Variants in TEX14 observed in about 807,000 individuals in gnomAD.
The protein encoded by TEX14 is testis expressed 14, intercellular bridge forming factor, also known as inactive serine/threonine-protein kinase TEX14.
Under a neutral mutation model 178.6 loss-of-function variants are expected in TEX14, and 168 were observed. The ratio of observed to expected loss-of-function variants is 0.94; its 90% CI spans 0.83 to 1.07. The LOEUF (loss-of-function observed/expected upper bound fraction) is 1.07. Ranked by LOEUF, TEX14 falls within the 50% of genes least tolerant of loss-of-function variation. The probability of loss-of-function intolerance (pLI) is 0.00; values close to 1 mark genes in which losing one functional copy is unlikely to be tolerated. For missense variants in TEX14, 1,730 were observed against 1,753.6 expected (o/e 0.99, Z 0.24); for synonymous variants, 626 against 634.1 (o/e 0.99, Z 0.19).
chr17:58,621,592 T>A, intron 5 of TEX14, 58 bp downstream of exon 5: 1 of 1,523,300 alleles, frequency 6.6e-7, no homozygotes, highest in Non-Finnish European at 8.9e-7. Context: ...GCTGCAGGGC[T>A]CCCACGAGGA....
At chr17:58,621,813 T>G in intron 4 of TEX14, 27 bp from the exon 5 acceptor site, 1 of 1,600,674 alleles carries the variant, frequency 6.2e-7, no homozygotes, top group East Asian at 2.2e-5. Flanking sequence ...AGATGCCCAG[T>G]GCGGGCGCAC....
rs560506430 is a variant in TEX14 at position 58,634,640 on chromosome 17, T to A, written c.137-4086A>T. On this transcript the variant is annotated intron_variant, in intron 2 of 31. Transcript: ENST00000349033. The stretch of plus-strand genomic sequence containing the variant: ...CTTATCTGCCCAACACAAGCCAGCC[T>A]AAGAGTAGAGAAGAGCAGCAGAGAA... Among the ~76,000 whole-genome samples the A allele has an allele frequency of 4.6e-5, 7 of 152,214 alleles. No homozygotes were observed. In the East Asian group the frequency reaches 1.4e-3, roughly 29 times the overall value.
In TEX14 at chr17:58,569,046, T is replaced by C; in HGVS notation, c.3886+146A>G. ...TTGCAAAACTGCCCCTTCCTAAATT[T>C]TGGAAAACTGCCCCTTCCTATATTC... On this transcript the variant is annotated intron_variant, in intron 26 of 31. Transcript: ENST00000349033. The surrounding 1 kb of genome is among the most constrained non-coding windows in gnomAD (Gnocchi z 4.1). 2 of 558,268 alleles carry C rather than the reference T, an allele frequency of 3.6e-6. No homozygotes were observed. Among genetic ancestry groups the C allele is most frequent in the African/African-American group, 1.9e-5 (1 of 52,244 alleles). 34.6% of individuals were successfully genotyped at this position (558,268 alleles called of 1,614,324 possible). A position where few individuals can be genotyped will look rare whatever the true frequency, so the allele number is the denominator to read the frequency against.
chr17:58,624,100 G>A (rs976573844), intron 3 of TEX14, among the ~76,000 whole-genome samples: 3 of 152,088 alleles, frequency 2.0e-5, no homozygotes, highest in Admixed American at 6.5e-5. Flanking sequence ...TGGCTAACGC[G>A]GTGAAACCCT....
chr17:58,631,912 C>T (rs186534894), intron 2 of TEX14: 26 of 152,348 alleles, frequency 1.7e-4, no homozygotes, highest in African/African-American at 2.9e-4. Flanking sequence ...TTCGTGAGCA[C>T]ATTTTCCTCT....
At position 58,616,305 on chromosome 17, in the gene TEX14, A is replaced by G; in HGVS notation, c.637T>C (p.Phe213Leu). ...QNIYSFGFGK[F>L]YLTGATQMAY... Reference sequence around the variant, plus strand: ...ATCTGTGTCGCCCCAGTAAGATAAAACTGAAACCAAGGCATAGCCTCAAAT... The same window carrying G: ...ATCTGTGTCGCCCCAGTAAGATAAAGCTGAAACCAAGGCATAGCCTCAAAT... Residue 213 changes from phenylalanine (F) to leucine (L), a missense_variant and splice_region_variant, in exon 7 of 32, where the codon TTT becomes CTT. By Grantham distance (22) the Phe-to-Leu change is conservative (BLOSUM62 0). Coordinates refer to ENST00000349033, the MANE Select transcript of TEX14 (RefSeq NM_031272.5). The G allele has an allele frequency of 1.2e-6, 2 of 1,612,052 alleles. No individual in the cohort carries two copies. The highest frequency in any genetic ancestry group is 1.7e-5 in the Admixed American group (1 of 59,440).
chr17:58,681,123 T>C (rs772199688), intron 1 of TEX14, among the ~76,000 whole-genome samples: 4 of 151,626 alleles, frequency 2.6e-5, no homozygotes, highest in Non-Finnish European at 4.4e-5. Context: ...CTACTAAAAA[T>C]AAATTAGCCG....
Position 58,559,482 on chromosome 17 carries a change from G to T in TEX14, c.4238C>A (p.Ser1413Ter). ...TTCAGAAGTCCCTAGAACACCCTCT[G>T]ATTTCCTTCTTTCTGGTGTAATGCT... ...EDSITPERRK[S>*]EGVLGTSEED... Residue 1413 changes from serine (S) to a stop codon, truncating the protein, a stop_gained, in exon 30 of 32, where the codon TCA becomes TAA. Transcript: ENST00000349033. LOFTEE classifies it high-confidence loss of function. 1 of 1,542,652 alleles carries T rather than the reference G, an allele frequency of 6.5e-7. No individual in the cohort carries two copies. Among genetic ancestry groups the T allele is most frequent in the Non-Finnish European group, 9.0e-7 (1 of 1,116,760 alleles).
intron 30 of TEX14, among the ~76,000 whole-genome samples, chr17:58,558,322 T>C (rs2044194972): frequency 6.6e-6 from 1 of 152,106 alleles, no homozygotes; most frequent in Admixed American, 6.6e-5. Context: ...GAACTGAGTG[T>C]TGGAGATGAG....
rs9900742 is a variant in TEX14, at chr17:58,607,358, C to T, written c.1185-2229G>A. Among the ~76,000 whole-genome samples the T allele has an allele frequency of 1.2e-3, 177 of 152,276 alleles. 1 individual carries two copies. The highest frequency in any genetic ancestry group is 4.2e-3 in the African/African-American group (174 of 41,540). ...CCCCTCACTTGGCCAGTTGTTGACC[C>T]CAGCAACTCCATGCATTTCACTTTA... On this transcript the variant is annotated intron_variant, in intron 10 of 31. Coordinates refer to ENST00000349033, the MANE Select transcript of TEX14 (RefSeq NM_031272.5).
intron 1 of TEX14, among the ~76,000 whole-genome samples, chr17:58,656,216 G>T (rs2046955677): frequency 6.6e-6 from 1 of 152,200 alleles, no homozygotes; most frequent in South Asian, 2.1e-4. Context: ...GGCCAAGGCG[G>T]GTGGATCACA....
At chr17:58,587,864 A>ACC in intron 16 of TEX14, 32 bp downstream of exon 16, 5 of 734,660 alleles carry the variant, frequency 6.8e-6, no homozygotes, top group African/African-American at 2.5e-5. Context: ...CCCCCGCTCC[A>ACC]CCACCAGTTT....
chr17:58,592,114 T>C (rs1028652564), intron 15 of TEX14, among the ~76,000 whole-genome samples: 1 of 151,918 alleles, frequency 6.6e-6, no homozygotes, highest in Non-Finnish European at 1.5e-5. Context: ...GTAATTCCCT[T>C]ACTTATAATA....
intron 30 of TEX14, 46 bp from the exon 31 acceptor site, chr17:58,557,896 T>C: frequency 6.7e-7 from 1 of 1,502,026 alleles, no homozygotes; most frequent in Non-Finnish European, 9.2e-7. Context: ...GATTAATTTC[T>C]AGGTCAAAGG....
At chr17:58,649,078 C>CTT (rs554128326) in intron 2 of TEX14, among the ~76,000 whole-genome samples, 7 of 133,236 alleles carry the variant, frequency 5.3e-5, no homozygotes, top group Non-Finnish European at 8.1e-5. Flanking sequence ...CGCCCGGCCT[C>CTT]TTTTTTTTTT....
chr17:58,664,155 C>T (rs1433273247), intron 1 of TEX14, among the ~76,000 whole-genome samples: 2 of 152,200 alleles, frequency 1.3e-5, no homozygotes, highest in Non-Finnish European at 2.9e-5. Context: ...CAGCCCACCT[C>T]GGTTATACTA....
chr17:58,673,765 G>A (rs999771560), intron 1 of TEX14, among the ~76,000 whole-genome samples: 2 of 151,710 alleles, frequency 1.3e-5, no homozygotes, highest in African/African-American at 4.8e-5. Context: ...TACAGTTGGG[G>A]TTAAGCCATG....
At chr17:58,626,301 C>T (rs1323489167) in intron 3 of TEX14, among the ~76,000 whole-genome samples, 1 of 152,026 alleles carries the variant, frequency 6.6e-6, no homozygotes, top group Non-Finnish European at 1.5e-5. Flanking sequence ...TGCGGTGGCT[C>T]ATGCCTGTAA....
At chr17:58,567,110 T>TGAGCTG (rs2044418300) in intron 26 of TEX14, among the ~76,000 whole-genome samples, 1 of 152,078 alleles carries the variant, frequency 6.6e-6, no homozygotes, top group Admixed American at 6.6e-5. Context: ...AAGGTTGCAG[T>TGAGCTG]GAGCTGAGAT....
Sources: gnomAD v4.1 joint callset for allele counts (sites outside exome capture counted in the v4.1 genomes callset) on GRCh38, gnomAD v4.1.1 for gene constraint, Gnocchi (gnomAD v3.1) non-coding constraint, MANE v1.5 for transcripts, NCBI Gene and HGNC (gene_info 2026-07-23, HGNC 2026-07-21) for gene names.